WDHD1: variants seen among roughly 807,000 people sequenced by gnomAD.
WDHD1 encodes the protein WD repeat and HMG-box DNA-binding protein 1.
Under a neutral mutation model 135.4 loss-of-function variants are expected in WDHD1, and 111 were observed. The ratio of observed to expected loss-of-function variants is 0.82; its 90% CI spans 0.70 to 0.96. The LOEUF is 0.96. Ranked by LOEUF, WDHD1 falls within the 40% of genes least tolerant of loss-of-function variation. WDHD1 has a pLI of 0.00. For synonymous variants in WDHD1, 434 were observed against 439.0 expected (o/e 0.99, Z 0.14); for missense variants, 1,351 against 1,336.3 (o/e 1.01, Z -0.17).
chr14:54,961,070 G>A (rs2041243918), intron 21 of WDHD1, among the ~76,000 whole-genome samples: 1 of 152,116 alleles, frequency 6.6e-6, no homozygotes, highest in Non-Finnish European at 1.5e-5. Context: ...CTCTCAAAAT[G>A]CTGAGGTTAC....
At chr14:54,992,469 G>A (rs1051658619) in intron 11 of WDHD1, among the ~76,000 whole-genome samples, 2 of 152,182 alleles carry the variant, frequency 1.3e-5, no homozygotes, top group Non-Finnish European at 2.9e-5. Flanking sequence ...TAGGCTGGGT[G>A]ACAGAGCAAG....
rs148815802 is a variant in WDHD1, at chr14:55,018,201, T to C, written c.78-4605A>G. 2.2e-3 allele frequency among the ~76,000 whole-genome samples: 339 copies of C among 152,306 alleles called. 2 individuals are homozygous for C. Among genetic ancestry groups the C allele is most frequent in the African/African-American group, 7.6e-3 (317 of 41,562 alleles). ...TAGAAACAAGTCCTCTAAATCTTAG[T>C]TGCATTTAGTTGAAAACAGACATCT... On this transcript the variant is annotated intron_variant, in intron 2 of 25. Coordinates refer to ENST00000360586, the MANE Select transcript of WDHD1 (RefSeq NM_007086.4).
At chr14:54,961,721 TA>T (rs1281836782) in intron 21 of WDHD1, among the ~76,000 whole-genome samples, 4 of 152,144 alleles carry the variant, frequency 2.6e-5, no homozygotes, top group African/African-American at 9.7e-5. Flanking sequence ...GTCCACAGTT[TA>T]AAAAGTCAAA....
In WDHD1 at chr14:55,013,194, CAA is replaced by C. The variant is rs71448422; in HGVS notation, c.189+289_189+290del. 3.2e-4 allele frequency among the ~76,000 whole-genome samples: 26 copies of C among 82,304 alleles called. 1 individual carries two copies. Among genetic ancestry groups the C allele is most frequent in the African/African-American group, 1.0e-3 (20 of 19,328 alleles). The allele number at this position is 82,304 out of a possible 152,430, so 54.0% of individuals were successfully genotyped here. A position where few individuals can be genotyped will look rare whatever the true frequency, so the allele number is the denominator to read the frequency against. ...TGAGCAACATGGCAAGATCCCGTTT[CAA>C]AAAAAAAAAAAAAAAAAAAAAATTG... is the stretch of plus-strand genomic sequence containing the variant. On this transcript the variant is annotated intron_variant, in intron 3 of 25. Transcript: ENST00000360586.
At chr14:54,948,361 T>C (rs2040970960) in intron 24 of WDHD1, among the ~76,000 whole-genome samples, 1 of 152,166 alleles carries the variant, frequency 6.6e-6, no homozygotes, top group African/African-American at 2.4e-5. Flanking sequence ...CCTAATACTG[T>C]GCTTTTCCAA....
At chr14:55,008,850 G>C (rs1192728240) in intron 4 of WDHD1, 131 bp from the exon 5 acceptor site, 3 of 656,268 alleles carry the variant, frequency 4.6e-6, no homozygotes, top group Non-Finnish European at 4.9e-6. Context: ...ACCCAGGCTG[G>C]AGTGCAGTGG....
chr14:55,025,600 C>T (rs2042423458), intron 2 of WDHD1, among the ~76,000 whole-genome samples: 1 of 152,196 alleles, frequency 6.6e-6, no homozygotes, highest in African/African-American at 2.4e-5. Context: ...CAAACCTGAT[C>T]ACATCTCTCT....
intron 2 of WDHD1, among the ~76,000 whole-genome samples, chr14:55,018,966 T>C (rs766341694): frequency 3.3e-5 from 5 of 152,146 alleles, no homozygotes; most frequent in East Asian, 1.9e-4. Context: ...GAGGTTACAG[T>C]GGGCCGAGAT....
At chr14:54,986,311 T>C (rs566038490) in intron 14 of WDHD1, among the ~76,000 whole-genome samples, 15 of 152,340 alleles carry the variant, frequency 9.8e-5, no homozygotes, top group Middle Eastern at 3.4e-3. Context: ...AACAGTTATA[T>C]AGAATATATT....
At chr14:54,943,008 A>C (rs943039931) in intron 25 of WDHD1, among the ~76,000 whole-genome samples, 3 of 152,234 alleles carry the variant, frequency 2.0e-5, no homozygotes, top group Non-Finnish European at 4.4e-5. Flanking sequence ...AGGTGTTTAA[A>C]CCAGTTTCTG....
chr14:54,958,653 C>G (rs753755329), intron 21 of WDHD1, among the ~76,000 whole-genome samples: 3 of 152,206 alleles, frequency 2.0e-5, no homozygotes, highest in Non-Finnish European at 4.4e-5. Context: ...CTTCTTGATA[C>G]TTTGTCCTCT....
At chr14:54,964,818 T>A (rs117327442) in intron 18 of WDHD1, among the ~76,000 whole-genome samples, 3,821 of 152,240 alleles carry the variant, frequency 0.025, 68 homozygotes, top group South Asian at 0.04. Flanking sequence ...GTATTTTTGA[T>A]ATGAGAAACA....
Position 54,966,520 on chromosome 14 carries a change from A to C in WDHD1, c.2265T>G (p.Asn755Lys), listed in dbSNP as rs776175473. ...GTTCCTGTTGCTCTTTTGTTGCTTG[A>C]TTTTTAGTGCTCTCTTCATATTCAT... is the stretch of plus-strand genomic sequence containing the variant. ...NGYEYEESTK[N>K]QATKEQQELL... Residue 755 changes from asparagine (N) to lysine (K), a missense_variant, in exon 18 of 26, where the codon AAT becomes AAG. This residue lies in a region of WDHD1 where 1,330 missense variants were observed against 1,296.1 expected (regional missense o/e 1.03). Coordinates refer to ENST00000360586, the MANE Select transcript of WDHD1 (RefSeq NM_007086.4). The C allele has an allele frequency of 5.6e-6, 9 of 1,608,276 alleles. No homozygotes were observed. In the South Asian group the frequency reaches 1.0e-4, roughly 18 times the overall value.
intron 16 of WDHD1, among the ~76,000 whole-genome samples, chr14:54,969,397 A>G (rs2041397029): frequency 6.6e-6 from 1 of 152,048 alleles, no homozygotes; most frequent in Admixed American, 6.6e-5. Flanking sequence ...AGCAATTGCA[A>G]CAAAAACCAA....
intron 21 of WDHD1, among the ~76,000 whole-genome samples, chr14:54,959,597 T>C (rs1387557922): frequency 2.6e-5 from 4 of 152,154 alleles, no homozygotes; most frequent in East Asian, 1.9e-4. Flanking sequence ...CTCCTCTCTC[T>C]ACAAAAAGTA....
intron 24 of WDHD1, among the ~76,000 whole-genome samples, chr14:54,947,110 C>T (rs534719668): frequency 3.9e-5 from 6 of 152,084 alleles, no homozygotes; most frequent in African/African-American, 1.2e-4. Context: ...GAGGCCAAGG[C>T]GGGTGGATCA....
intron 18 of WDHD1, 120 bp downstream of exon 18, chr14:54,966,354 AC>A: frequency 8.9e-6 from 11 of 1,234,100 alleles, no homozygotes; most frequent in African/African-American, 7.8e-5. Context: ...AACAACAACA[AC>A]AAAAAAAAAC....
rs757284841 is a variant in WDHD1, at chr14:55,008,632, G to C, written c.429C>G (p.Ser143=). 3 of 1,610,402 alleles carry C rather than the reference G, an allele frequency of 1.9e-6. No homozygotes were observed. In the Admixed American group the frequency reaches 5.1e-5, roughly 27 times the overall value. ...CCAGAAAGATGTCCTTAGGATCAAAGGAAAGACTTAAAACAGGGGCATCAT... is the reference window on the plus strand; with the variant it reads ...CCAGAAAGATGTCCTTAGGATCAAACGAAAGACTTAAAACAGGGGCATCAT... ...RGHDAPVLSL[S]FDPKDIFLAS... Residue 143 remains serine (S), a synonymous_variant, in exon 5 of 26, where the codon TCC becomes TCG. Transcript: ENST00000360586.
chr14:54,987,060 C>T (rs1371900953), intron 14 of WDHD1, 86 bp downstream of exon 14: 13 of 1,501,552 alleles, frequency 8.7e-6, no homozygotes, highest in South Asian at 3.8e-5. Flanking sequence ...GTATATAATC[C>T]AAGACAAAAA....
Sources: gnomAD v4.1 joint callset for allele counts (sites outside exome capture counted in the v4.1 genomes callset) on GRCh38, gnomAD v4.1.1 for gene constraint, gnomAD v4.1.1 regional missense constraint, MANE v1.5 for transcripts, NCBI Gene and HGNC (gene_info 2026-07-23, HGNC 2026-07-21) for gene names.